The following CAMTA1 variants were observed in gnomAD, a reference collection of about 807,000 sequenced individuals.
The protein encoded by CAMTA1 is calmodulin binding transcription activator 1.
In CAMTA1, 27 loss-of-function variants were observed where a neutral mutation model predicts 170.9. The observed-to-expected ratio is 0.16, with a 90% CI of 0.12 to 0.22. CAMTA1 has a LOEUF of 0.22. Ranked by LOEUF, CAMTA1 falls within the 10% of genes least tolerant of loss-of-function variation. CAMTA1 has a pLI of 1.00. For synonymous variants in CAMTA1, 833 were observed against 891.5 expected, an observed-to-expected ratio of 0.93 and a Z score of 1.17; for missense variants, 1,619 against 2,217.2, an observed-to-expected ratio of 0.73 and a Z score of 5.42.
At chr1:6,793,646 A>G (rs777481329) in intron 1 of CAMTA1, among the ~76,000 whole-genome samples, 1 of 152,228 alleles carries the variant, frequency 6.6e-6, no homozygotes, top group Non-Finnish European at 1.5e-5. Flanking sequence ...TGTGCATTCA[A>G]CAAGGTGTAT....
chr1:7,768,943 T>C lies in CAMTA1; in HGVS notation c.*2452T>C, dbSNP rs1236868604. Reference sequence around the variant, plus strand: ...GATATCTTTATTCCATTTATTATGGTACAAATAACTGATGTTTTAACCAGA... The same window carrying C: ...GATATCTTTATTCCATTTATTATGGCACAAATAACTGATGTTTTAACCAGA... On this transcript the variant is annotated 3_prime_UTR_variant, in exon 23 of 23. Coordinates refer to ENST00000303635, the MANE Select transcript of CAMTA1 (RefSeq NM_015215.4). 1.3e-5 allele frequency: 2 copies of C among 152,374 alleles called. No individual in the cohort carries two copies. The highest frequency in any genetic ancestry group is 1.3e-4 in the Admixed American group (2 of 15,274). 9.4% of individuals were successfully genotyped at this position (152,374 alleles called of 1,614,324 possible).
chr1:7,749,832 G>C, intron 19 of CAMTA1: 1 of 456,106 alleles, frequency 2.2e-6, no homozygotes, highest in South Asian at 1.6e-5. Context: ...CATTCCACCA[G>C]AGTCACAAAC....
chr1:6,935,407 T>C lies in CAMTA1; in HGVS notation c.234+110197T>C, dbSNP rs572338744. ...CCTGCAGCAAAAAAAAAATGACGGATGATGAAAATATATTTAATTATCATT... is the reference window on the plus strand; with the variant it reads ...CCTGCAGCAAAAAAAAAATGACGGACGATGAAAATATATTTAATTATCATT... On this transcript the variant is annotated intron_variant, in intron 3 of 22. Transcript: ENST00000303635. Among the ~76,000 whole-genome samples the C allele has an allele frequency of 2.2e-3, 331 of 152,184 alleles. 2 individuals carry two copies. The highest frequency in any genetic ancestry group is 3.3e-3 in the Non-Finnish European group (221 of 67,998).
At chr1:7,398,622 G>C (rs2089634159) in intron 5 of CAMTA1, among the ~76,000 whole-genome samples, 1 of 151,950 alleles carries the variant, frequency 6.6e-6, no homozygotes, top group South Asian at 2.1e-4. Flanking sequence ...CCATAAGTTG[G>C]TGGAATAAAT....
intron 5 of CAMTA1, among the ~76,000 whole-genome samples, chr1:7,457,168 CTTA>C (rs2092977062): frequency 6.6e-6 from 1 of 151,898 alleles, no homozygotes; most frequent in African/African-American, 2.4e-5. Flanking sequence ...CTAAATTTAC[CTTA>C]TTATCAATTT....
rs560340507 is a variant in CAMTA1 at position 7,411,931 on chromosome 1, T to C, written c.439-55899T>C. On this transcript the variant is annotated intron_variant, in intron 5 of 22. Coordinates refer to ENST00000303635, the MANE Select transcript of CAMTA1 (RefSeq NM_015215.4). ...CCCTCCCCCCACCCCACAACAGTCC[T>C]CGGAGTGTGATGTTCCCCTTCCTGT... is the stretch of plus-strand genomic sequence containing the variant. Among the ~76,000 whole-genome samples the C allele has an allele frequency of 9.7e-5, 10 of 102,842 alleles. No individual in the cohort carries two copies. The East Asian group carries it at 1.3e-3, about 13-fold the overall frequency. 67.5% of individuals were successfully genotyped at this position (102,842 alleles called of 152,430 possible).
intron 5 of CAMTA1, among the ~76,000 whole-genome samples, chr1:7,358,601 G>T (rs369304996): frequency 7.2e-5 from 11 of 152,266 alleles, no homozygotes; most frequent in African/African-American, 2.6e-4. Context: ...GCCCAGACTC[G>T]CCTCGTCAGA....
At chr1:7,566,274 G>A (rs1468773316) in intron 6 of CAMTA1, among the ~76,000 whole-genome samples, 2 of 152,192 alleles carry the variant, frequency 1.3e-5, no homozygotes, top group Admixed American at 6.5e-5. Flanking sequence ...ATTTATAAAT[G>A]GCAAAGAGCC....
intron 6 of CAMTA1, among the ~76,000 whole-genome samples, chr1:7,578,404 C>T (rs2095223207): frequency 1.3e-5 from 2 of 152,204 alleles, no homozygotes; most frequent in Admixed American, 6.5e-5. Flanking sequence ...CAGGCTCTCA[C>T]AGCAGCTTGC....
chr1:7,410,468 G>A (rs2090634979), intron 5 of CAMTA1, among the ~76,000 whole-genome samples: 1 of 152,240 alleles, frequency 6.6e-6, no homozygotes, highest in Non-Finnish European at 1.5e-5. Context: ...GATGGCTTTT[G>A]CGTTTGAACA....
chr1:7,126,340 C>G (rs554835893), intron 4 of CAMTA1, among the ~76,000 whole-genome samples: 1 of 152,318 alleles, frequency 6.6e-6, no homozygotes, highest in Non-Finnish European at 1.5e-5. Context: ...TCCGTGCCTT[C>G]TACCCCCTCC....
intron 3 of CAMTA1, among the ~76,000 whole-genome samples, chr1:7,031,001 A>AT (rs58953861): frequency 0.045 from 4,549 of 100,052 alleles, 164 homozygotes; most frequent in South Asian, 0.079. Context: ...TGCCCAGCTA[A>AT]TTTTTTTTTT....
chr1:7,650,457 G>A (rs554021147), intron 7 of CAMTA1, among the ~76,000 whole-genome samples: 18 of 152,274 alleles, frequency 1.2e-4, no homozygotes, highest in African/African-American at 4.3e-4. Flanking sequence ...GACAATGTCT[G>A]TCCCACTTGC....
chr1:7,689,813 C>T (rs951908525), intron 11 of CAMTA1, among the ~76,000 whole-genome samples: 2 of 152,116 alleles, frequency 1.3e-5, no homozygotes, highest in Non-Finnish European at 2.9e-5. Context: ...TTCTCCATCC[C>T]ACAGCCAAAT....
intron 4 of CAMTA1, among the ~76,000 whole-genome samples, chr1:7,124,310 G>A (rs892090285): frequency 5.3e-5 from 8 of 152,110 alleles, no homozygotes; most frequent in African/African-American, 1.7e-4. Context: ...TGCTACCGAC[G>A]GGTGCAGCAT....
chr1:6,995,131 T>G (rs1418387550), intron 3 of CAMTA1, among the ~76,000 whole-genome samples: 1 of 152,046 alleles, frequency 6.6e-6, no homozygotes, highest in Admixed American at 6.5e-5. Context: ...AAAAAATAAA[T>G]CACCAAGGCT....
intron 5 of CAMTA1, among the ~76,000 whole-genome samples, chr1:7,273,707 T>C (rs972426477): frequency 1.3e-5 from 2 of 152,204 alleles, no homozygotes; most frequent in African/African-American, 4.8e-5. Context: ...TGAAGTACAC[T>C]TCAAAGAAGT....
chr1:7,611,123 C>T (rs1458693290), intron 6 of CAMTA1, among the ~76,000 whole-genome samples: 6 of 152,052 alleles, frequency 3.9e-5, no homozygotes, highest in East Asian at 1.9e-4. Flanking sequence ...GAGAGGAAGG[C>T]GCGGGGCCAT....
chr1:6,855,415 C>T (rs1240457828), intron 3 of CAMTA1, among the ~76,000 whole-genome samples: 2 of 151,396 alleles, frequency 1.3e-5, no homozygotes, highest in Non-Finnish European at 2.9e-5. Flanking sequence ...ACAATCATGG[C>T]AGAAGGAGAA....
Sources: gnomAD v4.1 joint callset for allele counts (sites outside exome capture counted in the v4.1 genomes callset) on GRCh38, gnomAD v4.1.1 for gene constraint, MANE v1.5 for transcripts, NCBI Gene and HGNC (gene_info 2026-07-23, HGNC 2026-07-21) for gene names.